The following HECW2 variants were observed in gnomAD, a reference collection of about 807,000 sequenced individuals.
HECW2 encodes E3 ubiquitin-protein ligase HECW2.
In HECW2, 61 loss-of-function variants were observed where a neutral mutation model predicts 175.2. That is an observed-to-expected ratio of 0.35 (90% CI 0.28 to 0.43). The LOEUF (loss-of-function observed/expected upper bound fraction) is 0.43, where lower values mean the gene tolerates loss of function less well. Among genes scored for constraint, HECW2 ranks in the 20% least tolerant of loss-of-function variants. HECW2 has a pLI of 1.00. For synonymous variants in HECW2, 671 were observed against 731.0 expected, an observed-to-expected ratio of 0.92 and a Z score of 1.32; for missense variants, 1,524 against 2,000.5, an observed-to-expected ratio of 0.76 and a Z score of 4.54.
chr2:196,215,572 GAGCCACAATCATA>G (rs2105801205), intron 28 of HECW2, among the ~76,000 whole-genome samples: 1 of 152,270 alleles, frequency 6.6e-6, no homozygotes, highest in East Asian at 1.9e-4. Flanking sequence ...CACCTGATTA[GAGCCACAATCATA>G]AGCCACAAGC....
chr2:196,508,929 G>A (rs555268887), intron 1 of HECW2, among the ~76,000 whole-genome samples: 2 of 152,250 alleles, frequency 1.3e-5, no homozygotes, highest in South Asian at 2.1e-4. Context: ...TTAGCCAGGC[G>A]TGGTGGTGGG....
chr2:196,370,762 C>T lies in HECW2; in HGVS notation c.293-26998G>A, dbSNP rs567206950. 6.6e-5 allele frequency among the ~76,000 whole-genome samples: 10 copies of T among 152,314 alleles called. No individual in the cohort carries two copies. The East Asian group carries it at 1.9e-3, about 29-fold the overall frequency. On this transcript the variant is annotated intron_variant, in intron 2 of 28. Transcript: ENST00000644978. ...GATCTAAATGCTCCCTCTGTGGGTG[C>T]CAGCTAGGTTCTGCCCAGCGTTGCT...
At chr2:196,344,300 C>CCTTGAGACAAG (rs1234899992) in intron 2 of HECW2, among the ~76,000 whole-genome samples, 1 of 78,658 alleles carries the variant, frequency 1.3e-5, no homozygotes, top group African/African-American at 5.1e-5. Context: ...AGACCAAAGG[C>CCTTGAGACAAG]ATAGACCTTG....
intron 2 of HECW2, among the ~76,000 whole-genome samples, chr2:196,375,014 T>A (rs1694010801): frequency 6.6e-6 from 1 of 151,200 alleles, no homozygotes. Flanking sequence ...ATACAAAAAT[T>A]AGCCAGTCGT....
At chr2:196,321,701 A>G (rs1010908433) in intron 7 of HECW2, among the ~76,000 whole-genome samples, 3 of 152,082 alleles carry the variant, frequency 2.0e-5, no homozygotes, top group Admixed American at 6.5e-5. Context: ...TGCCCGGCCA[A>G]CTTATTCTTA....
intron 1 of HECW2, among the ~76,000 whole-genome samples, chr2:196,435,585 G>A (rs1048052306): frequency 3.3e-5 from 5 of 152,202 alleles, no homozygotes; most frequent in African/African-American, 7.2e-5. Context: ...AGAAAAAAGT[G>A]AAATAACATG....
At chr2:196,204,969 T>C (rs555411511) in intron 28 of HECW2, among the ~76,000 whole-genome samples, 1 of 152,178 alleles carries the variant, frequency 6.6e-6, no homozygotes, top group African/African-American at 2.4e-5. Flanking sequence ...GCCTAAATAC[T>C]CTTTTCAGTT....
intron 1 of HECW2, among the ~76,000 whole-genome samples, chr2:196,572,252 G>A (rs1368807407): frequency 4.6e-5 from 7 of 152,138 alleles, no homozygotes; most frequent in Non-Finnish European, 1.0e-4. Context: ...GCATGATCTC[G>A]GCTCACTGTA....
chr2:196,230,831 C>T, intron 21 of HECW2, among the ~76,000 whole-genome samples: 1 of 152,150 alleles, frequency 6.6e-6, no homozygotes, highest in East Asian at 1.9e-4. Flanking sequence ...TGGCTGGGTG[C>T]CATGGCTCAC....
intron 3 of HECW2, among the ~76,000 whole-genome samples, chr2:196,337,035 C>A (rs1386403833): frequency 6.6e-6 from 1 of 152,024 alleles, no homozygotes; most frequent in African/African-American, 2.4e-5. Flanking sequence ...GATTCCTGCC[C>A]CTAAAAATAT....
chr2:196,478,363 T>G (rs1036279178), intron 1 of HECW2, among the ~76,000 whole-genome samples: 5 of 152,296 alleles, frequency 3.3e-5, no homozygotes, highest in Non-Finnish European at 5.9e-5. Flanking sequence ...TTTCCACAGA[T>G]GAGTCTCCTG....
In HECW2 at chr2:196,426,472, T is replaced by A. The variant is rs1273457668; in HGVS notation, c.292+6660A>T. 2.0e-5 allele frequency among the ~76,000 whole-genome samples: 3 copies of A among 152,328 alleles called. No homozygotes were observed. In the East Asian group the frequency reaches 5.8e-4, roughly 29 times the overall value. On this transcript the variant is annotated intron_variant, in intron 2 of 28. Transcript: ENST00000644978. ...TGTGGGGTGATATCTCATTGTGGTT[T>A]GAATTTGCATTTCCATGATAATTAG...
Position 196,550,843 on chromosome 2 carries a change from G to A in HECW2, c.-36+42665C>T, listed in dbSNP as rs569543533. The stretch of plus-strand genomic sequence containing the variant: ...AGGAAGATGTATACATGATCAGTGA[G>A]AACATCCAATTCTTATCTTCTGCCT... On this transcript the variant is annotated intron_variant, in intron 1 of 28. Coordinates refer to ENST00000644978, the MANE Select transcript of HECW2 (RefSeq NM_001348768.2). Among the ~76,000 whole-genome samples the A allele has an allele frequency of 5.3e-5, 8 of 152,284 alleles. No homozygotes were observed. The South Asian group carries it at 1.5e-3, about 28-fold the overall frequency.
intron 2 of HECW2, among the ~76,000 whole-genome samples, chr2:196,382,610 T>C (rs1231766125): frequency 6.6e-6 from 1 of 152,154 alleles, no homozygotes; most frequent in East Asian, 1.9e-4. Context: ...GTATATAACA[T>C]GAAAAAGGAT....
chr2:196,340,690 G>A (rs1194440761), intron 3 of HECW2, among the ~76,000 whole-genome samples: 1 of 151,800 alleles, frequency 6.6e-6, no homozygotes. Flanking sequence ...TATATTGCAA[G>A]GGTAGGGGGT....
At chr2:196,515,417 T>C (rs1688113168) in intron 1 of HECW2, among the ~76,000 whole-genome samples, 1 of 152,204 alleles carries the variant, frequency 6.6e-6, no homozygotes, top group African/African-American at 2.4e-5. Context: ...GGTTTCCAGC[T>C]GGCAAAGCAA....
chr2:196,220,590 C>T (rs537353046), intron 25 of HECW2, among the ~76,000 whole-genome samples: 1 of 152,328 alleles, frequency 6.6e-6, no homozygotes, highest in African/African-American at 2.4e-5. Flanking sequence ...CAGTCCATAA[C>T]ATTTATTTCA....
At chr2:196,436,663 T>C (rs914867080) in intron 1 of HECW2, among the ~76,000 whole-genome samples, 5 of 151,980 alleles carry the variant, frequency 3.3e-5, no homozygotes, top group Admixed American at 6.6e-5. Flanking sequence ...GCTAGCTTAA[T>C]TGCACCTGCA....
chr2:196,259,012 C>T (rs367737385), intron 17 of HECW2, among the ~76,000 whole-genome samples: 16 of 152,320 alleles, frequency 1.1e-4, no homozygotes, highest in African/African-American at 2.9e-4. Flanking sequence ...CTTACTCTGT[C>T]GTCCAGGCCA....
Sources: gnomAD v4.1 joint callset for allele counts (sites outside exome capture counted in the v4.1 genomes callset) on GRCh38, gnomAD v4.1.1 for gene constraint, MANE v1.5 for transcripts, NCBI Gene and HGNC (gene_info 2026-07-23, HGNC 2026-07-21) for gene names.